Variants in SUPT3H observed in about 807,000 individuals in gnomAD.
The protein encoded by SUPT3H is transcription initiation protein SPT3 homolog.
SUPT3H carries 44 observed loss-of-function variants against 44.3 expected under a neutral mutation model. The observed-to-expected ratio is 0.99, with a 90% CI of 0.78 to 1.28. The LOEUF is 1.28. SUPT3H is among the 50% of genes most tolerant of loss of function. The pLI, the probability that SUPT3H is intolerant of heterozygous loss-of-function variation, is 0.00. For synonymous variants in SUPT3H, 124 were observed against 125.6 expected (o/e 0.99, Z 0.09); for missense variants, 380 against 387.1 (o/e 0.98, Z 0.15).
intron 6 of SUPT3H, among the ~76,000 whole-genome samples, chr6:44,985,067 G>A (rs1779590064): frequency 6.6e-6 from 1 of 151,636 alleles, no homozygotes. Context: ...GGCTGGGTAT[G>A]GCAGCTCATG....
At chr6:45,068,248 G>T (rs1401923570) in intron 3 of SUPT3H, among the ~76,000 whole-genome samples, 1 of 144,930 alleles carries the variant, frequency 6.9e-6, no homozygotes, top group African/African-American at 2.6e-5. Flanking sequence ...TCACTCATAG[G>T]TGGGAATTGA....
chr6:45,173,856 G>A (rs1182890899), intron 2 of SUPT3H, among the ~76,000 whole-genome samples: 1 of 152,174 alleles, frequency 6.6e-6, no homozygotes, highest in Non-Finnish European at 1.5e-5. Flanking sequence ...CCCCCACCAT[G>A]TATAATCAAA....
intron 3 of SUPT3H, among the ~76,000 whole-genome samples, chr6:45,057,445 C>T (rs1791304678): frequency 6.6e-6 from 1 of 151,790 alleles, no homozygotes; most frequent in South Asian, 2.1e-4. Flanking sequence ...ATTGTGATGA[C>T]ACAAAACCCA....
At chr6:45,195,778 C>G (rs891449222) in intron 2 of SUPT3H, among the ~76,000 whole-genome samples, 1 of 152,006 alleles carries the variant, frequency 6.6e-6, no homozygotes, top group Non-Finnish European at 1.5e-5. Flanking sequence ...CATATTATTT[C>G]TTTTCCTCTT....
intron 10 of SUPT3H, among the ~76,000 whole-genome samples, chr6:44,886,548 T>A (rs1762323845): frequency 6.6e-6 from 1 of 152,084 alleles, no homozygotes; most frequent in African/African-American, 2.4e-5. Context: ...AATAAAATCC[T>A]TTACAGACAA....
chr6:44,874,830 A>G (rs1214109704), intron 10 of SUPT3H, among the ~76,000 whole-genome samples: 5 of 143,252 alleles, frequency 3.5e-5, no homozygotes, highest in Admixed American at 7.0e-5. Flanking sequence ...AATGTACAAA[A>G]ATCACAAGCA....
At chr6:44,889,260 A>G (rs1762864947) in intron 10 of SUPT3H, among the ~76,000 whole-genome samples, 1 of 152,174 alleles carries the variant, frequency 6.6e-6, no homozygotes, top group Admixed American at 6.5e-5. Context: ...GAATTGGAAA[A>G]CACTACTTTA....
chr6:45,099,153 T>C, intron 3 of SUPT3H: 2 of 319,008 alleles, frequency 6.3e-6, no homozygotes, highest in Non-Finnish European at 1.2e-5. Flanking sequence ...CCACACATAT[T>C]CACCTCAATG....
chr6:45,113,770 C>T (rs890988009), intron 2 of SUPT3H, among the ~76,000 whole-genome samples: 1 of 142,140 alleles, frequency 7.0e-6, no homozygotes, highest in African/African-American at 2.7e-5. Context: ...GCAGAGGTTG[C>T]GGTGAGCCGA....
chr6:45,307,951 C>A (rs866557956), intron 2 of SUPT3H, among the ~76,000 whole-genome samples: 1 of 152,056 alleles, frequency 6.6e-6, no homozygotes, highest in Non-Finnish European at 1.5e-5. Flanking sequence ...ACGAGAACTA[C>A]GTGACAAATG....
chr6:44,861,870 G>T (rs1300672837), intron 10 of SUPT3H, among the ~76,000 whole-genome samples: 1 of 152,158 alleles, frequency 6.6e-6, no homozygotes, highest in African/African-American at 2.4e-5. Flanking sequence ...GGGCAGTTCT[G>T]CTTTGATCTG....
intron 2 of SUPT3H, among the ~76,000 whole-genome samples, chr6:45,141,198 G>A (rs1057098088): frequency 1.3e-5 from 2 of 151,818 alleles, no homozygotes; most frequent in African/African-American, 4.8e-5. Flanking sequence ...AAATTAGCCA[G>A]GTGTTGTGGC....
intron 9 of SUPT3H, among the ~76,000 whole-genome samples, chr6:44,943,042 T>C (rs1772720931): frequency 6.6e-6 from 1 of 152,146 alleles, no homozygotes; most frequent in Admixed American, 6.6e-5. Context: ...ATGACTTATA[T>C]TCAATGGAGA....
At chr6:44,883,007 T>C (rs1302404459) in intron 10 of SUPT3H, among the ~76,000 whole-genome samples, 1 of 152,192 alleles carries the variant, frequency 6.6e-6, no homozygotes, top group African/African-American at 2.4e-5. Flanking sequence ...ACCACTCCTA[T>C]TCAACACAGT....
chr6:44,899,899 G>A (rs955416615), intron 10 of SUPT3H, among the ~76,000 whole-genome samples: 3 of 152,178 alleles, frequency 2.0e-5, no homozygotes, highest in Admixed American at 6.5e-5. Context: ...TGATTAGATG[G>A]TGGAATGTAG....
At chr6:44,944,766 A>AAAAAAAAG (rs1773045076) in intron 9 of SUPT3H, among the ~76,000 whole-genome samples, 1 of 113,100 alleles carries the variant, frequency 8.8e-6, no homozygotes, top group Admixed American at 8.6e-5. Context: ...TCTCTCCAAA[A>AAAAAAAAG]AAAAAAAAAA....
chr6:45,154,793 C>T (rs1337589876), intron 2 of SUPT3H, among the ~76,000 whole-genome samples: 1 of 152,160 alleles, frequency 6.6e-6, no homozygotes. Context: ...TAATCATTCT[C>T]TTGCAATTCC....
At chr6:44,927,587 G>C (rs1769711874) in intron 10 of SUPT3H, among the ~76,000 whole-genome samples, 1 of 152,132 alleles carries the variant, frequency 6.6e-6, no homozygotes, top group Admixed American at 6.5e-5. Flanking sequence ...CACAGAGCTA[G>C]TATGCAAAAC....
At chr6:45,196,143 C>A (rs1815978171) in intron 2 of SUPT3H, among the ~76,000 whole-genome samples, 1 of 152,002 alleles carries the variant, frequency 6.6e-6, no homozygotes, top group East Asian at 1.9e-4. Flanking sequence ...GACTTTATAT[C>A]TGTGACAATA....
Sources: gnomAD v4.1 joint callset for allele counts (sites outside exome capture counted in the v4.1 genomes callset) on GRCh38, gnomAD v4.1.1 for gene constraint, MANE v1.5 for transcripts, NCBI Gene and HGNC (gene_info 2026-07-23, HGNC 2026-07-21) for gene names.